GAD1: variants seen among roughly 807,000 people sequenced by gnomAD.
The protein encoded by GAD1 is 67 kDa glutamic acid decarboxylase.
GAD1 carries 35 observed loss-of-function variants against 75.2 expected under a neutral mutation model. That is an observed-to-expected ratio of 0.47 (90% CI 0.36 to 0.62). The LOEUF (loss-of-function observed/expected upper bound fraction) is 0.62. Among genes scored for constraint, GAD1 ranks in the 20% least tolerant of loss-of-function variants. The probability of loss-of-function intolerance (pLI) is 0.00; values close to 1 mark genes in which losing one functional copy is unlikely to be tolerated. For missense variants in GAD1, 490 were observed against 758.5 expected, an observed-to-expected ratio of 0.65 and a Z score of 4.16; for synonymous variants, 257 against 271.9, an observed-to-expected ratio of 0.95 and a Z score of 0.54.
At chr2:170,855,109 C>T (rs994695164) in intron 14 of GAD1, among the ~76,000 whole-genome samples, 1 of 151,254 alleles carries the variant, frequency 6.6e-6, no homozygotes, top group African/African-American at 2.5e-5. Flanking sequence ...CTAACTAACA[C>T]TCAAACAACA....
At chr2:170,843,552 T>C (rs1432490154) in intron 6 of GAD1, among the ~76,000 whole-genome samples, 1 of 152,092 alleles carries the variant, frequency 6.6e-6, no homozygotes, top group Non-Finnish European at 1.5e-5. Flanking sequence ...GATGTTTACA[T>C]TATTTTTAAA....
At chr2:170,838,670 T>A (rs1455966015) in intron 6 of GAD1, among the ~76,000 whole-genome samples, 1 of 152,204 alleles carries the variant, frequency 6.6e-6, no homozygotes, top group Non-Finnish European at 1.5e-5. Flanking sequence ...ACCTCCCCCC[T>A]TTCAACCACT....
At chr2:170,839,456 A>G (rs1702452337) in intron 6 of GAD1, among the ~76,000 whole-genome samples, 1 of 151,882 alleles carries the variant, frequency 6.6e-6, no homozygotes, top group Non-Finnish European at 1.5e-5. Flanking sequence ...TCTACTAAAA[A>G]CACAAAAATG....
chr2:170,857,207 G>A lies in GAD1; in HGVS notation c.1521+82G>A, dbSNP rs1005070298. On this transcript the variant is annotated intron_variant, in intron 15 of 16. Transcript: ENST00000358196. ...GCTCCTGAAGCTTCTGGCAACATGG[G>A]AAAATCAATCCCATGTTGCCAGAAA... 196 of 1,069,674 alleles carry A rather than the reference G, an allele frequency of 1.8e-4. No individual in the cohort carries two copies. The South Asian group carries it at 2.4e-3, about 13-fold the overall frequency. 66.3% of individuals were successfully genotyped at this position (1,069,674 alleles called of 1,614,324 possible).
intron 6 of GAD1, chr2:170,842,907 T>A: frequency 1.8e-6 from 1 of 556,662 alleles, no homozygotes; most frequent in Non-Finnish European, 3.0e-6. Flanking sequence ...AGCTTTGCCT[T>A]ACATTAAGCA....
intron 7 of GAD1, 145 bp downstream of exon 7, chr2:170,844,302 T>C: frequency 8.8e-6 from 6 of 685,220 alleles, no homozygotes; most frequent in South Asian, 8.1e-5. Context: ...CTAACAAAAA[T>C]GCTACATTCT....
At chr2:170,817,918 G>A (rs1480916294) in intron 1 of GAD1, 2 of 152,660 alleles carry the variant, frequency 1.3e-5, no homozygotes, top group African/African-American at 4.8e-5. Flanking sequence ...GTTCTTCTCT[G>A]GCCAAGTCCG....
intron 5 of GAD1, among the ~76,000 whole-genome samples, chr2:170,833,461 A>G (rs1702292461): frequency 6.6e-6 from 1 of 152,248 alleles, no homozygotes; most frequent in Admixed American, 6.5e-5. Context: ...TATATTCCTA[A>G]TGGAAAACAA....
chr2:170,860,366 A>G lies in GAD1; in HGVS notation c.*484A>G, dbSNP rs1412624561. The G allele has an allele frequency of 6.0e-6, 1 of 166,528 alleles. No homozygotes were observed. The highest frequency in any genetic ancestry group is 2.4e-5 in the African/African-American group (1 of 41,622). The allele number at this position is 166,528 out of a possible 1,614,324, so 10.3% of individuals were successfully genotyped here. On this transcript the variant is annotated 3_prime_UTR_variant, in exon 17 of 17. Transcript: ENST00000358196. The stretch of plus-strand genomic sequence containing the variant: ...ACCTGAAGTGATGATGGATGAGAAA[A>G]AACACCACCAAATGACAAGTCACAC...
chr2:170,852,035 C>T (rs1294933371), intron 12 of GAD1, among the ~76,000 whole-genome samples: 1 of 152,178 alleles, frequency 6.6e-6, no homozygotes, highest in Non-Finnish European at 1.5e-5. Context: ...AAAGAAGCCA[C>T]TGTGTCTCCT....
intron 2 of GAD1, among the ~76,000 whole-genome samples, chr2:170,821,125 A>G (rs899749272): frequency 2.0e-5 from 3 of 152,182 alleles, no homozygotes; most frequent in Non-Finnish European, 4.4e-5. Context: ...TGGAGGCACC[A>G]GTCAGGGTAG....
At chr2:170,845,885 C>A in intron 9 of GAD1, 100 bp downstream of exon 9, 1 of 1,454,950 alleles carries the variant, frequency 6.9e-7, no homozygotes, top group Non-Finnish European at 9.7e-7. Flanking sequence ...GTACATTGTG[C>A]CAAGCTGCTA....
In GAD1 at chr2:170,836,870, G is replaced by T; in HGVS notation, c.625G>T (p.Ala209Ser). ...AGCTGGAGAATGGCTGACATCAACGGCCAATACCAACATGTAAGTCTCATA... is the reference window on the plus strand; with the variant it reads ...AGCTGGAGAATGGCTGACATCAACGTCCAATACCAACATGTAAGTCTCATA... ...GLAGEWLTST[A>S]NTNMFTYEIA... Residue 209 changes from alanine to serine, a missense_variant, in exon 6 of 17, where the codon GCC (alanine) becomes TCC (serine). Physicochemically the swap from Ala to Ser is moderately conservative, Grantham distance 99. Coordinates refer to ENST00000358196, the MANE Select transcript of GAD1 (RefSeq NM_000817.3). The T allele has an allele frequency of 1.2e-6, 2 of 1,612,350 alleles. No homozygotes were observed. Among genetic ancestry groups the T allele is most frequent in the Non-Finnish European group, 1.7e-6 (2 of 1,178,470 alleles).
chr2:170,839,849 C>T (rs983779814), intron 6 of GAD1, among the ~76,000 whole-genome samples: 7 of 152,150 alleles, frequency 4.6e-5, no homozygotes, highest in Non-Finnish European at 8.8e-5. Flanking sequence ...AATGGCAATA[C>T]ATAATCTTAA....
At chr2:170,854,152 CTG>C (rs1474012291) in intron 14 of GAD1, 130 bp downstream of exon 14, 9 of 944,862 alleles carry the variant, frequency 9.5e-6, no homozygotes, top group South Asian at 5.9e-5. Context: ...ATTGAATTAA[CTG>C]TGTTTTCTTT....
chr2:170,826,425 A>G (rs1463116534), intron 3 of GAD1, among the ~76,000 whole-genome samples: 2 of 152,076 alleles, frequency 1.3e-5, no homozygotes, highest in African/African-American at 4.8e-5. Context: ...AAAATTAGCC[A>G]GACGTGGTGG....
In GAD1 at chr2:170,822,085, A is replaced by AGC; in HGVS notation, c.83_84dup. The AGC allele has an allele frequency of 6.2e-7, 1 of 1,608,074 alleles. No homozygotes were observed. Among genetic ancestry groups the AGC allele is most frequent in the Non-Finnish European group, 8.5e-7 (1 of 1,177,558 alleles). Reference sequence around the variant, plus strand: ...AACCTCTCTCCCTCTCTCTCGTCCTAGCGTACGATACCTGGTGCGGCGTGG... The same window carrying AGC: ...AACCTCTCTCCCTCTCTCTCGTCCTAGCGCGTACGATACCTGGTGCGGCGTGG... On this transcript the variant is annotated splice_acceptor_variant, in intron 2 of 16. Transcript: ENST00000358196. LOFTEE classifies it high-confidence loss of function.
At chr2:170,817,826 TA>T in intron 1 of GAD1, 1 of 152,650 alleles carries the variant, frequency 6.6e-6, no homozygotes, top group Non-Finnish European at 1.5e-5. Flanking sequence ...TAGCGATGGC[TA>T]AAAACCGGCT....
chr2:170,832,695 CAT>C (rs1553576676), intron 5 of GAD1, among the ~76,000 whole-genome samples: 16 of 151,734 alleles, frequency 1.1e-4, no homozygotes, highest in African/African-American at 1.5e-4. Context: ...CACACACACA[CAT>C]ACACACATGC....
Sources: gnomAD v4.1 joint callset for allele counts (sites outside exome capture counted in the v4.1 genomes callset) on GRCh38, gnomAD v4.1.1 for gene constraint, MANE v1.5 for transcripts, NCBI Gene and HGNC (gene_info 2026-07-23, HGNC 2026-07-21) for gene names.